The following HADHA variants were observed in gnomAD, a reference collection of about 807,000 sequenced individuals.
HADHA encodes the protein hydroxyacyl-CoA dehydrogenase trifunctional multienzyme complex subunit alpha, also known as trifunctional enzyme subunit alpha, mitochondrial.
HADHA carries 59 observed loss-of-function variants against 91.3 expected under a neutral mutation model. The ratio of observed to expected loss-of-function variants is 0.65; its 90% CI spans 0.52 to 0.80. The LOEUF (loss-of-function observed/expected upper bound fraction) is 0.80, where lower values mean the gene tolerates loss of function less well. Ranked by LOEUF, HADHA falls within the 30% of genes least tolerant of loss-of-function variation. The probability of loss-of-function intolerance (pLI) is 0.00; values close to 1 mark genes in which losing one functional copy is unlikely to be tolerated. For missense variants in HADHA, 800 were observed against 927.6 expected (o/e 0.86, Z 1.79); for synonymous variants, 320 against 338.9 (o/e 0.94, Z 0.61).
intron 4 of HADHA, among the ~76,000 whole-genome samples, chr2:26,234,919 C>T (rs980700421): frequency 2.6e-5 from 4 of 152,116 alleles, no homozygotes; most frequent in Non-Finnish European, 5.9e-5. Context: ...ATTTCACTAT[C>T]AGGTAGTTAA....
intron 7 of HADHA, among the ~76,000 whole-genome samples, chr2:26,220,042 A>T (rs1248968930): frequency 6.6e-6 from 1 of 152,170 alleles, no homozygotes; most frequent in African/African-American, 2.4e-5. Context: ...AAAGGGACCT[A>T]TGGCTATTTG....
intron 1 of HADHA, 29 bp downstream of exon 1, chr2:26,244,501 G>A (rs1265247321): frequency 1.9e-6 from 3 of 1,558,328 alleles, no homozygotes; most frequent in African/African-American, 1.4e-5. Flanking sequence ...TCTGCCCGGA[G>A]GTCTGGGATG....
At chr2:26,227,702 C>T (rs1670517184) in intron 7 of HADHA, among the ~76,000 whole-genome samples, 1 of 152,024 alleles carries the variant, frequency 6.6e-6, no homozygotes, top group Non-Finnish European at 1.5e-5. Context: ...ATACTAGTGG[C>T]ATATGCCTCG....
intron 7 of HADHA, among the ~76,000 whole-genome samples, chr2:26,215,943 C>T (rs1021125706): frequency 2.0e-5 from 3 of 152,236 alleles, no homozygotes; most frequent in Admixed American, 6.5e-5. Flanking sequence ...AGGCCTCTGC[C>T]AGATCTTGAA....
At chr2:26,211,961 CG>C (rs1456528484) in intron 10 of HADHA, 1 of 152,790 alleles carries the variant, frequency 6.5e-6, no homozygotes, top group Non-Finnish European at 1.5e-5. Flanking sequence ...TGCCCAAGTG[CG>C]GAACAAAAAA....
At chr2:26,239,347 T>G (rs1432335753) in intron 1 of HADHA, among the ~76,000 whole-genome samples, 1 of 152,224 alleles carries the variant, frequency 6.6e-6, no homozygotes, top group Non-Finnish European at 1.5e-5. Context: ...AGAGGAAGAC[T>G]GGCCCCCACA....
At chr2:26,243,398 G>A (rs891794693) in intron 1 of HADHA, 5 of 146,222 alleles carry the variant, frequency 3.4e-5, no homozygotes, top group South Asian at 4.4e-4. Flanking sequence ...GACAATGGGT[G>A]ATTCGTTTTT....
intron 13 of HADHA, among the ~76,000 whole-genome samples, chr2:26,200,187 G>A (rs1182473170): frequency 6.6e-6 from 1 of 152,080 alleles, no homozygotes; most frequent in African/African-American, 2.4e-5. Flanking sequence ...TTGCTCTGTG[G>A]TACTCTTATT....
In HADHA at chr2:26,191,330, C is replaced by T. The variant is rs1193924531; in HGVS notation, c.2212G>A (p.Ala738Thr). Residue 738 changes from alanine (A) to threonine (T), a missense_variant, in exon 20 of 20, where the codon GCT becomes ACT. Transcript: ENST00000380649. The stretch of plus-strand genomic sequence containing the variant: ...GGGGTGAACTGTTTTCCATAGGCAG[C>T]TTCATATTTCTTGAGCCGGTCCACT... ...KIVDRLKKYE[A>T]AYGKQFTPCQ... The T allele has an allele frequency of 1.9e-6, 3 of 1,614,058 alleles. No individual in the cohort carries two copies. The South Asian group carries it at 3.3e-5, about 18-fold the overall frequency.
In HADHA at chr2:26,201,319, A is replaced by G; in HGVS notation, c.1222T>C (p.Leu408=). Residue 408 remains leucine (L), a splice_region_variant and synonymous_variant, in exon 13 of 20, where the codon TTG becomes CTG. Transcript: ENST00000380649. ...GCTTTCTTCTTCACTTTGTCATTCA[A>G]TCTAGAAAAAACACATTCCTAGTTA... is the stretch of plus-strand genomic sequence containing the variant. The part of the protein sequence containing the change: ...DRGQQQVFKG[L]NDKVKKKALT... The G allele has an allele frequency of 1.2e-6, 2 of 1,603,660 alleles. No individual in the cohort carries two copies. Among genetic ancestry groups the G allele is most frequent in the South Asian group, 2.2e-5 (2 of 90,838 alleles).
In HADHA at chr2:26,191,140, C is replaced by A; in HGVS notation, c.*110G>T. ...TTTAATCAGGGAGCAAACCCAGTGCCGGAGTTTGTCTTCTCGTTACTCTGA... is the reference window on the plus strand; with the variant it reads ...TTTAATCAGGGAGCAAACCCAGTGCAGGAGTTTGTCTTCTCGTTACTCTGA... On this transcript the variant is annotated 3_prime_UTR_variant, in exon 20 of 20. Coordinates refer to ENST00000380649, the MANE Select transcript of HADHA (RefSeq NM_000182.5). The A allele has an allele frequency of 9.0e-7, 1 of 1,106,986 alleles. No individual in the cohort carries two copies. The highest frequency in any genetic ancestry group is 1.4e-6 in the Non-Finnish European group (1 of 734,438). 68.6% of individuals were successfully genotyped at this position (1,106,986 alleles called of 1,614,324 possible). A position where few individuals can be genotyped will look rare whatever the true frequency, so the allele number is the denominator to read the frequency against.
intron 1 of HADHA, among the ~76,000 whole-genome samples, chr2:26,242,438 G>A (rs772905060): frequency 5.9e-5 from 9 of 152,124 alleles, no homozygotes; most frequent in Non-Finnish European, 1.0e-4. Flanking sequence ...ATATTTATGT[G>A]TCTATATATT....
At chr2:26,208,614 G>A (rs1476987469) in intron 11 of HADHA, among the ~76,000 whole-genome samples, 1 of 152,164 alleles carries the variant, frequency 6.6e-6, no homozygotes, top group African/African-American at 2.4e-5. Flanking sequence ...TTCTATTTAT[G>A]CCGTGCACAG....
At chr2:26,202,058 C>T (rs1220152545) in intron 12 of HADHA, among the ~76,000 whole-genome samples, 2 of 151,914 alleles carry the variant, frequency 1.3e-5, no homozygotes, top group Non-Finnish European at 2.9e-5. Context: ...CTCAGCCTCC[C>T]AAAGTGTTGG....
At chr2:26,222,944 G>A (rs1299250709) in intron 7 of HADHA, among the ~76,000 whole-genome samples, 2 of 152,148 alleles carry the variant, frequency 1.3e-5, no homozygotes, top group Non-Finnish European at 2.9e-5. Flanking sequence ...CCAGTATAGG[G>A]TGCTACTTTT....
At chr2:26,219,876 A>C (rs919266187) in intron 7 of HADHA, among the ~76,000 whole-genome samples, 6 of 152,242 alleles carry the variant, frequency 3.9e-5, no homozygotes, top group African/African-American at 1.4e-4. Context: ...TAGGTCTGGT[A>C]AACAGAAGTA....
intron 14 of HADHA, among the ~76,000 whole-genome samples, chr2:26,196,744 C>G (rs1669684180): frequency 6.6e-6 from 1 of 152,196 alleles, no homozygotes; most frequent in Non-Finnish European, 1.5e-5. Flanking sequence ...TTGCTCTGCT[C>G]CGATGGCGGG....
chr2:26,244,616 C>T lies in HADHA; in HGVS notation c.-20G>A. 1.3e-6 allele frequency: 2 copies of T among 1,565,894 alleles called. No homozygotes were observed. Among genetic ancestry groups the T allele is most frequent in the East Asian group, 4.8e-5 (2 of 42,000 alleles). On this transcript the variant is annotated 5_prime_UTR_variant, in exon 1 of 20. Coordinates refer to ENST00000380649, the MANE Select transcript of HADHA (RefSeq NM_000182.5). ...CACCATCTTGAGCTGAAGAGGACAG[C>T]AGTGGAGAGCGCCTCTAACGGGTGC...
At chr2:26,201,880 T>TGC in intron 12 of HADHA, among the ~76,000 whole-genome samples, 1 of 151,936 alleles carries the variant, frequency 6.6e-6, no homozygotes, top group East Asian at 1.9e-4. Flanking sequence ...CTGCAACCTC[T>TGC]TGTCTCCTGG....
Sources: allele counts gnomAD v4.1 joint callset (sites outside exome capture counted in the v4.1 genomes callset), GRCh38; gene constraint gnomAD v4.1.1; transcripts MANE v1.5; gene names NCBI Gene and HGNC (gene_info 2026-07-23, HGNC 2026-07-21).